Variants in MAGI2 observed in about 807,000 individuals in gnomAD.
MAGI2 encodes membrane associated guanylate kinase, WW and PDZ domain containing 2.
Under a neutral mutation model 133.3 loss-of-function variants are expected in MAGI2, and 35 were observed. That is an observed-to-expected ratio of 0.26 (90% CI 0.20 to 0.35). The LOEUF is 0.35. MAGI2 is among the 10% of genes least tolerant of loss of function. The pLI is 1.00. For synonymous variants in MAGI2, 729 were observed against 710.6 expected (o/e 1.03, Z -0.41); for missense variants, 1,636 against 1,863.4 (o/e 0.88, Z 2.25).
intron 2 of MAGI2, among the ~76,000 whole-genome samples, chr7:78,996,924 C>T (rs1806361497): frequency 6.6e-6 from 1 of 151,940 alleles, no homozygotes; most frequent in Non-Finnish European, 1.5e-5. Context: ...AGAGCAAGAC[C>T]TGTAAATTGA....
intron 10 of MAGI2, among the ~76,000 whole-genome samples, chr7:78,246,298 G>A (rs1210257821): frequency 6.6e-6 from 1 of 152,078 alleles, no homozygotes; most frequent in Non-Finnish European, 1.5e-5. Flanking sequence ...GATGTGCCCT[G>A]CCTCCTGGGA....
At chr7:79,211,428 C>A (rs762077112) in intron 1 of MAGI2, among the ~76,000 whole-genome samples, 1 of 151,700 alleles carries the variant, frequency 6.6e-6, no homozygotes, top group African/African-American at 2.4e-5. Flanking sequence ...CAGTGCACCA[C>A]TATGTCCGGC....
At chr7:78,477,914 G>T (rs1791945378) in intron 6 of MAGI2, among the ~76,000 whole-genome samples, 1 of 139,204 alleles carries the variant, frequency 7.2e-6, no homozygotes, top group African/African-American at 2.8e-5. Context: ...AAGTTTTAAA[G>T]GAAATTTTAT....
intron 6 of MAGI2, among the ~76,000 whole-genome samples, chr7:78,483,550 C>T (rs1366860367): frequency 2.0e-5 from 3 of 151,850 alleles, no homozygotes; most frequent in Non-Finnish European, 1.5e-5. Context: ...AGAACAGATG[C>T]CAGCCACAAC....
At chr7:79,196,957 G>T (rs10251547) in intron 1 of MAGI2, among the ~76,000 whole-genome samples, 21,310 of 151,242 alleles carry the variant, frequency 0.14, 1,767 homozygotes, top group African/African-American at 0.21. Context: ...TATATATATA[G>T]AGAGAGAGAG....
chr7:78,360,197 A>G (rs1169863231), intron 7 of MAGI2, among the ~76,000 whole-genome samples: 6 of 152,148 alleles, frequency 3.9e-5, no homozygotes, highest in African/African-American at 1.4e-4. Flanking sequence ...TACCTTTAAC[A>G]TTGTCGGCAT....
intron 3 of MAGI2, among the ~76,000 whole-genome samples, chr7:78,522,524 C>T (rs904880048): frequency 5.9e-5 from 9 of 152,042 alleles, no homozygotes; most frequent in South Asian, 2.1e-4. Context: ...GGACTACAGG[C>T]GTGCGCCACC....
At position 78,346,060 on chromosome 7, in the gene MAGI2, C is replaced by G; in HGVS notation, c.1104-17G>C. On this transcript the variant is annotated splice_polypyrimidine_tract_variant and intron_variant, in intron 7 of 21. Transcript: ENST00000354212. ...TTTATGTGGCTAAAAAAGAAAATTT[C>G]AGATTAGGATAACCGTGGGGCAAAG... The G allele has an allele frequency of 6.2e-7, 1 of 1,613,676 alleles. No individual in the cohort carries two copies. Among genetic ancestry groups the G allele is most frequent in the African/African-American group, 1.3e-5 (1 of 74,954 alleles).
chr7:79,057,640 T>C (rs141579474), intron 1 of MAGI2, among the ~76,000 whole-genome samples: 1 of 152,324 alleles, frequency 6.6e-6, no homozygotes, highest in Non-Finnish European at 1.5e-5. Flanking sequence ...TTCATTATCT[T>C]ATCGGTCTTG....
intron 6 of MAGI2, among the ~76,000 whole-genome samples, chr7:78,417,600 C>G (rs1364279946): frequency 6.6e-6 from 1 of 152,142 alleles, no homozygotes; most frequent in African/African-American, 2.4e-5. Context: ...TCTTATTCAT[C>G]CAATGTTTCC....
intron 1 of MAGI2, among the ~76,000 whole-genome samples, chr7:79,021,217 C>A (rs192805056): frequency 9.2e-5 from 14 of 152,338 alleles, no homozygotes; most frequent in African/African-American, 3.4e-4. Flanking sequence ...TCTGCTAGGG[C>A]AGTGCAGAAG....
chr7:78,377,513 G>A (rs1794550853), intron 6 of MAGI2, among the ~76,000 whole-genome samples: 1 of 151,854 alleles, frequency 6.6e-6, no homozygotes, highest in African/African-American at 2.4e-5. Flanking sequence ...AGCTTCTGAA[G>A]AAGAGGGGGA....
chr7:78,053,299 T>C (rs1437747813), intron 21 of MAGI2, among the ~76,000 whole-genome samples: 1 of 152,214 alleles, frequency 6.6e-6, no homozygotes, highest in Non-Finnish European at 1.5e-5. Context: ...AACATTAGTC[T>C]TTCAAAGAGC....
At chr7:78,650,867 C>T (rs577220396) in intron 2 of MAGI2, among the ~76,000 whole-genome samples, 3 of 152,258 alleles carry the variant, frequency 2.0e-5, no homozygotes, top group African/African-American at 7.2e-5. Context: ...ACAAGAACAA[C>T]AGCATGCAAT....
chr7:78,130,556 TG>T (rs780070195), intron 18 of MAGI2, among the ~76,000 whole-genome samples: 2 of 152,088 alleles, frequency 1.3e-5, no homozygotes, highest in Non-Finnish European at 2.9e-5. Context: ...TTGGGAAAAA[TG>T]TTTCTGGTAC....
At chr7:79,440,672 T>C (rs1848438162) in intron 1 of MAGI2, among the ~76,000 whole-genome samples, 1 of 152,164 alleles carries the variant, frequency 6.6e-6, no homozygotes, top group Admixed American at 6.5e-5. Context: ...ATTCCTATAA[T>C]GTATAGTTAT....
intron 2 of MAGI2, among the ~76,000 whole-genome samples, chr7:78,628,760 A>T (rs1447543324): frequency 2.0e-5 from 3 of 146,350 alleles, no homozygotes; most frequent in Non-Finnish European, 3.0e-5. Flanking sequence ...TAAAATATAA[A>T]CCACCTACAT....
At chr7:78,626,261 A>G (rs1049560777) in intron 3 of MAGI2, among the ~76,000 whole-genome samples, 1 of 152,136 alleles carries the variant, frequency 6.6e-6, no homozygotes, top group African/African-American at 2.4e-5. Flanking sequence ...TTTAGTTATA[A>G]TTTCATTATA....
chr7:78,104,660 C>G (rs1482694785), intron 20 of MAGI2, among the ~76,000 whole-genome samples: 1 of 152,128 alleles, frequency 6.6e-6, no homozygotes, highest in Non-Finnish European at 1.5e-5. Context: ...TAAGTCTTTC[C>G]TCATCCTGTT....
Sources: gnomAD v4.1 joint callset for allele counts (sites outside exome capture counted in the v4.1 genomes callset) on GRCh38, gnomAD v4.1.1 for gene constraint, MANE v1.5 for transcripts, NCBI Gene and HGNC (gene_info 2026-07-23, HGNC 2026-07-21) for gene names.